Variants in EYS observed in about 807,000 individuals in gnomAD.
EYS encodes protein eyes shut homolog.
A neutral mutation model predicts 282.1 loss-of-function variants in EYS; 250 were observed. The observed-to-expected ratio is 0.89, with a 90% confidence interval of 0.80 to 0.98. The LOEUF is 0.98. Ranked by LOEUF, EYS falls within the 50% of genes least tolerant of loss-of-function variation. EYS has a pLI of 0.00. For synonymous variants in EYS, 1,355 were observed against 1,282.9 expected (o/e 1.06, Z -1.20); for missense variants, 4,016 against 3,709.0 (o/e 1.08, Z -2.15).
chr6:65,496,689 T>C (rs1461929851), intron 2 of EYS, among the ~76,000 whole-genome samples: 1 of 152,072 alleles, frequency 6.6e-6, no homozygotes, highest in Non-Finnish European at 1.5e-5. Flanking sequence ...ACTCAATAAA[T>C]AGTAGCTTTT....
Position 64,066,493 on chromosome 6 carries a change from T to A in EYS, c.6572-2A>T. On this transcript the variant is annotated splice_acceptor_variant, in intron 32 of 42. Coordinates refer to ENST00000503581, the MANE Select transcript of EYS (RefSeq NM_001142800.2). LOFTEE classifies it high-confidence loss of function. ...GCTTTCCACAATTATTCCCATTACC[T>A]TTAAGAAAAAAAGAATATATTAGTA... 6.7e-7 allele frequency: 1 copy of A among 1,502,806 alleles called. No homozygotes were observed. Among genetic ancestry groups the A allele is most frequent in the African/African-American group, 1.4e-5 (1 of 71,552 alleles). 93.1% of individuals were successfully genotyped at this position (1,502,806 alleles called of 1,614,324 possible).
intron 41 of EYS, among the ~76,000 whole-genome samples, chr6:63,758,263 T>C (rs1769541544): frequency 6.6e-6 from 1 of 152,154 alleles, no homozygotes. Context: ...TAATGTCTAC[T>C]ACATTTATCA....
In EYS at chr6:65,537,153, C is replaced by T. The variant is rs558387010; in HGVS notation, c.-332-41160G>A. Reference sequence around the variant, plus strand: ...ATAAGTGGGAGTTGAACAGTGAGAACACACGGATACAGGGAGGGGAACATC... The same window carrying T: ...ATAAGTGGGAGTTGAACAGTGAGAATACACGGATACAGGGAGGGGAACATC... On this transcript the variant is annotated intron_variant, in intron 2 of 42. Coordinates refer to ENST00000503581, the MANE Select transcript of EYS (RefSeq NM_001142800.2). Among the ~76,000 whole-genome samples the T allele has an allele frequency of 8.9e-4, 136 of 152,124 alleles. No individual in the cohort carries two copies. In the Middle Eastern group the frequency reaches 0.014, roughly 15 times the overall value.
intron 26 of EYS, among the ~76,000 whole-genome samples, chr6:64,463,464 C>A (rs1025792460): frequency 6.6e-6 from 1 of 152,186 alleles, no homozygotes; most frequent in African/African-American, 2.4e-5. Flanking sequence ...CCTTTGCTGC[C>A]TTCAGGCTGA....
At chr6:64,115,465 A>G (rs1773348142) in intron 31 of EYS, among the ~76,000 whole-genome samples, 1 of 152,086 alleles carries the variant, frequency 6.6e-6, no homozygotes, top group Non-Finnish European at 1.5e-5. Flanking sequence ...CCATGAGAGA[A>G]AAAGAGATAA....
intron 12 of EYS, among the ~76,000 whole-genome samples, chr6:65,064,818 C>A (rs1773694944): frequency 6.6e-6 from 1 of 151,948 alleles, no homozygotes; most frequent in Admixed American, 6.6e-5. Context: ...CGTTATAGAT[C>A]TCTGGAGATA....
At chr6:64,083,372 T>C (rs1010301420) in intron 31 of EYS, among the ~76,000 whole-genome samples, 2 of 152,228 alleles carry the variant, frequency 1.3e-5, no homozygotes, top group African/African-American at 4.8e-5. Context: ...CCATCAGAGA[T>C]ATGATTTCTC....
intron 2 of EYS, among the ~76,000 whole-genome samples, chr6:65,524,633 T>A (rs182822561): frequency 1.3e-5 from 2 of 152,310 alleles, no homozygotes; most frequent in African/African-American, 2.4e-5. Context: ...ATGGAAACAC[T>A]GGTGAAATCT....
At chr6:65,298,974 T>C (rs1385360573) in intron 11 of EYS, among the ~76,000 whole-genome samples, 1 of 152,072 alleles carries the variant, frequency 6.6e-6, no homozygotes, top group Non-Finnish European at 1.5e-5. Flanking sequence ...GAAGTCCTTG[T>C]ACAAATATAT....
intron 30 of EYS, among the ~76,000 whole-genome samples, chr6:64,304,595 A>G (rs1482929566): frequency 1.0e-5 from 1 of 95,282 alleles, no homozygotes; most frequent in Admixed American, 1.1e-4. Flanking sequence ...TCTGATCACA[A>G]TGGTTTCCAG....
chr6:64,746,174 C>T (rs981655481), intron 22 of EYS, among the ~76,000 whole-genome samples: 1 of 151,740 alleles, frequency 6.6e-6, no homozygotes, highest in African/African-American at 2.4e-5. Flanking sequence ...AACCAAAACT[C>T]GTGTTGAAAT....
intron 28 of EYS, among the ~76,000 whole-genome samples, chr6:64,412,207 A>C (rs1773924605): frequency 6.6e-6 from 1 of 152,052 alleles, no homozygotes. Context: ...ATATCCACAG[A>C]ATATTTTATA....
chr6:65,424,461 G>A lies in EYS; in HGVS notation c.863-19094C>T, dbSNP rs139638966. On this transcript the variant is annotated intron_variant, in intron 5 of 42. Coordinates refer to ENST00000503581, the MANE Select transcript of EYS (RefSeq NM_001142800.2). ...TACTTCCTTTCTCTCTTCCTTTCAC[G>A]GCCATTGAAACCTATTTTTAATACA... Among the ~76,000 whole-genome samples, 879 of 151,554 alleles carry A rather than the reference G, an allele frequency of 5.8e-3. 3 individuals are homozygous for A. The highest frequency in any genetic ancestry group is 9.6e-3 in the Non-Finnish European group (649 of 67,854).
chr6:65,480,688 T>A (rs1447374951), intron 5 of EYS, among the ~76,000 whole-genome samples: 1 of 152,118 alleles, frequency 6.6e-6, no homozygotes, highest in African/African-American at 2.4e-5. Context: ...TTCATAATAG[T>A]CAATATATGG....
intron 35 of EYS, among the ~76,000 whole-genome samples, chr6:63,927,697 T>C (rs1310846268): frequency 6.6e-6 from 1 of 152,222 alleles, no homozygotes; most frequent in African/African-American, 2.4e-5. Context: ...GGAAACCAGT[T>C]GCTGCTGAAT....
At chr6:65,341,941 T>C (rs1358767099) in intron 10 of EYS, among the ~76,000 whole-genome samples, 1 of 151,268 alleles carries the variant, frequency 6.6e-6, no homozygotes, top group East Asian at 1.9e-4. Flanking sequence ...CATTTTACAA[T>C]GAAAGGAAAC....
chr6:64,479,801 ACCC>A (rs748675814), intron 26 of EYS, among the ~76,000 whole-genome samples: 37 of 151,968 alleles, frequency 2.4e-4, no homozygotes, highest in Non-Finnish European at 5.3e-4. Flanking sequence ...AGCAAAAAAC[ACCC>A]AAATCTGCAT....
At chr6:64,387,038 T>C (rs1286767471) in intron 29 of EYS, among the ~76,000 whole-genome samples, 1 of 152,168 alleles carries the variant, frequency 6.6e-6, no homozygotes, top group Non-Finnish European at 1.5e-5. Context: ...ATAGGATTAA[T>C]TATTCTCTGG....
chr6:64,590,222 C>T lies in EYS; in HGVS notation c.5644+1G>A. The T allele has an allele frequency of 6.5e-7, 1 of 1,531,118 alleles. No homozygotes were observed. Among genetic ancestry groups the T allele is most frequent in the African/African-American group, 1.4e-5 (1 of 71,818 alleles). The allele number at this position is 1,531,118 out of a possible 1,614,324, so 94.8% of individuals were successfully genotyped here. On this transcript the variant is annotated splice_donor_variant, in intron 26 of 42. Transcript: ENST00000503581. LOFTEE classifies it high-confidence loss of function. ...TACTGAACAGAAACTGAGAAACTCA[C>T]CAGAAATCATCAGCCGTTGAGGTGC...
Sources: gnomAD v4.1 joint callset for allele counts (sites outside exome capture counted in the v4.1 genomes callset) on GRCh38, gnomAD v4.1.1 for gene constraint, MANE v1.5 for transcripts, NCBI Gene and HGNC (gene_info 2026-07-23, HGNC 2026-07-21) for gene names.